TMEM132C: variants seen among roughly 807,000 people sequenced by gnomAD.
TMEM132C encodes transmembrane protein 132C.
Under a neutral mutation model 61.4 loss-of-function variants are expected in TMEM132C, and 29 were observed. The ratio of observed to expected loss-of-function variants is 0.47; its 90% CI spans 0.35 to 0.64. The LOEUF is 0.64. Among genes scored for constraint, TMEM132C ranks in the 30% least tolerant of loss-of-function variants. TMEM132C has a pLI of 0.00. For missense variants in TMEM132C, 1,408 were observed against 1,476.9 expected, an observed-to-expected ratio of 0.95 and a Z score of 0.76; for synonymous variants, 656 against 633.1, an observed-to-expected ratio of 1.04 and a Z score of -0.54.
At chr12:128,314,499 C>A (rs1349784112) in intron 1 of TMEM132C, among the ~76,000 whole-genome samples, 2 of 152,054 alleles carry the variant, frequency 1.3e-5, no homozygotes, top group Admixed American at 1.3e-4. Flanking sequence ...GGACAGTGTC[C>A]CTCCAAATTC....
chr12:128,641,385 T>G (rs138684932), intron 4 of TMEM132C, among the ~76,000 whole-genome samples: 1 of 152,288 alleles, frequency 6.6e-6, no homozygotes, highest in African/African-American at 2.4e-5. Context: ...AATATGACCT[T>G]GCTTGGAAAT....
chr12:128,287,420 T>G (rs961169298), intron 1 of TMEM132C, among the ~76,000 whole-genome samples: 1 of 152,216 alleles, frequency 6.6e-6, no homozygotes, highest in African/African-American at 2.4e-5. Context: ...TTACCAGGTT[T>G]GTTTATCAGT....
chr12:128,287,820 C>A (rs760877609), intron 1 of TMEM132C, among the ~76,000 whole-genome samples: 5 of 152,114 alleles, frequency 3.3e-5, no homozygotes, highest in Non-Finnish European at 4.4e-5. Flanking sequence ...TTATCAGAAA[C>A]AATTTCTCAG....
At chr12:128,566,933 C>T (rs1874723861) in intron 3 of TMEM132C, among the ~76,000 whole-genome samples, 1 of 152,196 alleles carries the variant, frequency 6.6e-6, no homozygotes, top group Non-Finnish European at 1.5e-5. Flanking sequence ...TCTAAAGGCT[C>T]CTGGGAAACA....
intron 4 of TMEM132C, among the ~76,000 whole-genome samples, chr12:128,639,036 G>C (rs1404436218): frequency 6.7e-6 from 1 of 149,044 alleles, no homozygotes; most frequent in Non-Finnish European, 1.5e-5. Context: ...TGGTGGTGAT[G>C]ATGATGGTGA....
intron 2 of TMEM132C, among the ~76,000 whole-genome samples, chr12:128,474,583 GCAA>G (rs1871095000): frequency 6.6e-6 from 1 of 152,180 alleles, no homozygotes; most frequent in Non-Finnish European, 1.5e-5. Flanking sequence ...TAAGATTGCA[GCAA>G]CAACAGAGGT....
chr12:128,705,903 G>C lies in TMEM132C; in HGVS notation c.2935G>C (p.Glu979Gln). 6.4e-7 allele frequency: 1 copy of C among 1,551,340 alleles called. No homozygotes were observed. Among genetic ancestry groups the C allele is most frequent in the Non-Finnish European group, 8.7e-7 (1 of 1,146,956 alleles). ...CTGGGTGTGGCTTGGCAATGAGGCC[G>C]AACTCCTGGAGAGCATGGGGGATGC... ...HDWVWLGNEA[E>Q]LLESMGDAPP... The change falls in exon 9 of 9, where the codon GAA becomes CAA. Residue 979 changes from glutamate (E) to glutamine (Q), a missense_variant. Physicochemically the swap from Glu to Gln is conservative, Grantham distance 29 (BLOSUM62 2). Coordinates refer to ENST00000435159, the MANE Select transcript of TMEM132C (RefSeq NM_001136103.3).
At chr12:128,456,291 A>G (rs7962368) in intron 2 of TMEM132C, among the ~76,000 whole-genome samples, 1 of 146,294 alleles carries the variant, frequency 6.8e-6, no homozygotes, top group Non-Finnish European at 1.5e-5. Context: ...TTCTTGTTTC[A>G]TATTTTTCCT....
intron 1 of TMEM132C, among the ~76,000 whole-genome samples, chr12:128,289,816 G>A (rs79580363): frequency 6.6e-6 from 1 of 152,140 alleles, no homozygotes; most frequent in Non-Finnish European, 1.5e-5. Context: ...GAAAGTCACT[G>A]TTTTACATAC....
chr12:128,666,318 C>T (rs1319200876), intron 4 of TMEM132C, among the ~76,000 whole-genome samples: 1 of 151,382 alleles, frequency 6.6e-6, no homozygotes, highest in Non-Finnish European at 1.5e-5. Context: ...TACCCATAAA[C>T]ACGCAGGCAC....
At chr12:128,426,760 T>C (rs1408238505) in intron 2 of TMEM132C, among the ~76,000 whole-genome samples, 5 of 152,134 alleles carry the variant, frequency 3.3e-5, no homozygotes, top group Non-Finnish European at 5.9e-5. Flanking sequence ...CCGTGAAACA[T>C]TGGAGAGTGA....
At chr12:128,456,672 T>C (rs1870355372) in intron 2 of TMEM132C, among the ~76,000 whole-genome samples, 1 of 152,100 alleles carries the variant, frequency 6.6e-6, no homozygotes. Context: ...CCTTTCAAAG[T>C]GCAGGGATTA....
chr12:128,351,292 G>T (rs1873330037), intron 1 of TMEM132C, among the ~76,000 whole-genome samples: 1 of 152,118 alleles, frequency 6.6e-6, no homozygotes, highest in African/African-American at 2.4e-5. Context: ...GCTGAGAAGG[G>T]ACATAGAAAG....
At chr12:128,693,730 A>G in intron 5 of TMEM132C, 99 bp from the exon 6 acceptor site, 2 of 1,341,690 alleles carry the variant, frequency 1.5e-6, no homozygotes, top group African/African-American at 1.5e-5. Flanking sequence ...ACCAGAAATA[A>G]GCATTTGTGC....
intron 1 of TMEM132C, among the ~76,000 whole-genome samples, chr12:128,275,159 G>T (rs1870643642): frequency 6.6e-6 from 1 of 152,148 alleles, no homozygotes; most frequent in Admixed American, 6.5e-5. Context: ...ATAAGTCAGG[G>T]TTCCCCAACC....
In TMEM132C at chr12:128,534,640, T is replaced by C. The variant is rs572574104; in HGVS notation, c.975-9317T>C. Reference sequence around the variant, plus strand: ...ACCTTGAAGCCAGGCATCCTCAGTGTTTACCGCCCACTTCCACTGTTTTTT... The same window carrying C: ...ACCTTGAAGCCAGGCATCCTCAGTGCTTACCGCCCACTTCCACTGTTTTTT... On this transcript the variant is annotated intron_variant, in intron 2 of 8. Transcript: ENST00000435159. Among the ~76,000 whole-genome samples, 29 of 152,354 alleles carry C rather than the reference T, an allele frequency of 1.9e-4. No homozygotes were observed. In the South Asian group the frequency reaches 6.0e-3, roughly 32 times the overall value.
chr12:128,393,163 C>T (rs1261381196), intron 1 of TMEM132C, among the ~76,000 whole-genome samples: 7 of 152,184 alleles, frequency 4.6e-5, no homozygotes, highest in East Asian at 3.9e-4. Flanking sequence ...TAGGAAATGA[C>T]GATCCACAGT....
intron 2 of TMEM132C, among the ~76,000 whole-genome samples, chr12:128,511,558 C>T (rs951753685): frequency 6.6e-6 from 1 of 152,220 alleles, no homozygotes; most frequent in Admixed American, 6.5e-5. Context: ...AAATGCAGGG[C>T]TTCTGGGTGT....
intron 1 of TMEM132C, among the ~76,000 whole-genome samples, chr12:128,284,359 A>G (rs537744911): frequency 6.6e-6 from 1 of 152,344 alleles, no homozygotes; most frequent in Admixed American, 6.5e-5. Flanking sequence ...TGGTAACCTC[A>G]GGAGATAAGC....
Sources: allele counts gnomAD v4.1 joint callset (sites outside exome capture counted in the v4.1 genomes callset), GRCh38; gene constraint gnomAD v4.1.1; transcripts MANE v1.5; gene names NCBI Gene and HGNC (gene_info 2026-07-23, HGNC 2026-07-21).